RASEF: variants seen among roughly 807,000 people sequenced by gnomAD.
RASEF encodes the protein RAS and EF-hand domain containing, also known as ras and EF-hand domain-containing protein.
A neutral mutation model predicts 90.1 loss-of-function variants in RASEF; 68 were observed. The observed-to-expected ratio is 0.75, with a 90% CI of 0.62 to 0.92. RASEF has a LOEUF of 0.92. Among genes scored for constraint, RASEF ranks in the 40% least tolerant of loss-of-function variants. The probability of loss-of-function intolerance (pLI) is 0.00; values close to 1 mark genes in which losing one functional copy is unlikely to be tolerated. For missense variants in RASEF, 949 were observed against 937.2 expected (o/e 1.01, Z -0.16); for synonymous variants, 331 against 345.2 (o/e 0.96, Z 0.46).
At chr9:82,984,379 C>T (rs1828673131) in intron 16 of RASEF, among the ~76,000 whole-genome samples, 1 of 152,222 alleles carries the variant, frequency 6.6e-6, no homozygotes, top group Admixed American at 6.5e-5. Flanking sequence ...CCAAACTGGC[C>T]AGCTTAGCTG....
chr9:83,130,524 C>T, the RASEF span, among the ~76,000 whole-genome samples: 4 of 152,182 alleles, frequency 2.6e-5, no homozygotes, highest in South Asian at 8.3e-4. Context: ...GAATAAACCA[C>T]ATTTTCTCCT....
chr9:83,081,314 T>G, the RASEF span, among the ~76,000 whole-genome samples: 1 of 152,222 alleles, frequency 6.6e-6, no homozygotes, highest in Non-Finnish European at 1.5e-5. Context: ...ATATTTTAGT[T>G]AGAAAACATA....
the RASEF span, among the ~76,000 whole-genome samples, chr9:83,209,936 G>A: frequency 6.6e-6 from 1 of 152,152 alleles, no homozygotes; most frequent in African/African-American, 2.4e-5. Flanking sequence ...ATGTTTAGGT[G>A]TTGCTAAGTT....
the RASEF span, among the ~76,000 whole-genome samples, chr9:83,209,287 G>A: frequency 1.3e-5 from 2 of 152,230 alleles, no homozygotes; most frequent in African/African-American, 4.8e-5. Flanking sequence ...CACCCTTGAG[G>A]ATCCCAATGC....
the RASEF span, among the ~76,000 whole-genome samples, chr9:83,112,126 C>A: frequency 1.3e-5 from 2 of 151,870 alleles, no homozygotes; most frequent in Non-Finnish European, 1.5e-5. Flanking sequence ...TAAGCAGATT[C>A]TTATTTAAAA....
At chr9:83,022,696 T>C (rs1352899058) in intron 2 of RASEF, among the ~76,000 whole-genome samples, 1 of 152,204 alleles carries the variant, frequency 6.6e-6, no homozygotes, top group African/African-American at 2.4e-5. Flanking sequence ...ATTTTTGTCA[T>C]TGTGTAAGCA....
the RASEF span, among the ~76,000 whole-genome samples, chr9:83,151,116 A>G: frequency 2.0e-5 from 3 of 151,330 alleles, no homozygotes; most frequent in South Asian, 4.2e-4. Flanking sequence ...TTTTTTTTTC[A>G]GGGATTAGTA....
At chr9:83,184,972 C>G in the RASEF span, among the ~76,000 whole-genome samples, 1 of 151,992 alleles carries the variant, frequency 6.6e-6, no homozygotes, top group East Asian at 1.9e-4. Flanking sequence ...AGGCCCAGAC[C>G]CAGGCTCTGC....
At chr9:83,072,697 G>A in the RASEF span, among the ~76,000 whole-genome samples, 1 of 152,176 alleles carries the variant, frequency 6.6e-6, no homozygotes, top group African/African-American at 2.4e-5. Flanking sequence ...GGAAATAGAT[G>A]ACTCAGCAAG....
At chr9:83,019,691 G>A (rs1243560065) in intron 3 of RASEF, among the ~76,000 whole-genome samples, 1 of 152,202 alleles carries the variant, frequency 6.6e-6, no homozygotes, top group Non-Finnish European at 1.5e-5. Flanking sequence ...TCCTTCTACA[G>A]ATGAATGGCT....
At chr9:83,011,382 T>C (rs561563720) in intron 5 of RASEF, among the ~76,000 whole-genome samples, 1 of 151,696 alleles carries the variant, frequency 6.6e-6, no homozygotes, top group South Asian at 2.1e-4. Flanking sequence ...TGAAACCCTG[T>C]CTCTATTAAA....
At chr9:83,011,564 A>C (rs896132234) in intron 5 of RASEF, among the ~76,000 whole-genome samples, 1 of 150,462 alleles carries the variant, frequency 6.6e-6, no homozygotes, top group African/African-American at 2.4e-5. Context: ...AAAAAAAAAA[A>C]AAAAAAAAAA....
chr9:83,088,406 A>ATAGC, the RASEF span, among the ~76,000 whole-genome samples: 1 of 151,914 alleles, frequency 6.6e-6, no homozygotes, highest in East Asian at 1.9e-4. Flanking sequence ...AGATAGATAG[A>ATAGC]TAGATACACA....
At chr9:83,042,601 G>T (rs953946734) in intron 1 of RASEF, among the ~76,000 whole-genome samples, 1 of 152,054 alleles carries the variant, frequency 6.6e-6, no homozygotes, top group African/African-American at 2.4e-5. Flanking sequence ...ATTGAAAAAG[G>T]AGTTAATGTA....
At chr9:83,034,529 G>A (rs1829704683) in intron 1 of RASEF, among the ~76,000 whole-genome samples, 1 of 152,166 alleles carries the variant, frequency 6.6e-6, no homozygotes, top group Non-Finnish European at 1.5e-5. Context: ...GAAGATGAGA[G>A]AGTTAACTAG....
chr9:83,189,403 T>G, the RASEF span, among the ~76,000 whole-genome samples: 1 of 152,214 alleles, frequency 6.6e-6, no homozygotes, highest in Non-Finnish European at 1.5e-5. Context: ...TGGGTATGTC[T>G]TTATTAGCAG....
At chr9:83,144,387 GA>G in the RASEF span, among the ~76,000 whole-genome samples, 6 of 21,866 alleles carry the variant, frequency 2.7e-4, no homozygotes, top group East Asian at 1.3e-3. Context: ...AAGAAAGAAA[GA>G]AAGGAAAGAA....
At chr9:83,131,114 T>C in the RASEF span, among the ~76,000 whole-genome samples, 2 of 152,200 alleles carry the variant, frequency 1.3e-5, no homozygotes. Context: ...TTTCTAACTC[T>C]GACCCTAGGG....
the RASEF span, among the ~76,000 whole-genome samples, chr9:83,106,185 A>C: frequency 6.6e-6 from 1 of 152,160 alleles, no homozygotes; most frequent in East Asian, 1.9e-4. Flanking sequence ...CTAATTTTCT[A>C]TGAATGTATC....
Sources: allele counts gnomAD v4.1 joint callset (sites outside exome capture counted in the v4.1 genomes callset), GRCh38; gene constraint gnomAD v4.1.1; transcripts MANE v1.5; gene names NCBI Gene and HGNC (gene_info 2026-07-23, HGNC 2026-07-21).